The following TTBK2 variants were observed in gnomAD, a reference collection of about 807,000 sequenced individuals.
TTBK2 encodes the protein tau-tubulin kinase 2.
In TTBK2, 28 loss-of-function variants were observed where a neutral mutation model predicts 110.8. That is an observed-to-expected ratio of 0.25 (90% CI 0.19 to 0.35). TTBK2 has a LOEUF of 0.35. Among genes scored for constraint, TTBK2 ranks in the 10% least tolerant of loss-of-function variants. The probability of loss-of-function intolerance (pLI) is 1.00; values close to 1 mark genes in which losing one functional copy is unlikely to be tolerated. For synonymous variants in TTBK2, 532 were observed against 527.3 expected, an observed-to-expected ratio of 1.01 and a Z score of -0.12; for missense variants, 1,369 against 1,500.3, an observed-to-expected ratio of 0.91 and a Z score of 1.45.
intron 13 of TTBK2, among the ~76,000 whole-genome samples, chr15:42,754,287 C>T (rs1162340540): frequency 6.6e-6 from 1 of 151,966 alleles, no homozygotes; most frequent in Non-Finnish European, 1.5e-5. Flanking sequence ...TCACCTGTTG[C>T]CCAGGCTGGT....
At position 42,849,735 on chromosome 15, in the gene TTBK2, TGG is replaced by T. The variant is rs199767951; in HGVS notation, c.218-9304_218-9303del. Among the ~76,000 whole-genome samples, 385 of 152,330 alleles carry T rather than the reference TGG, an allele frequency of 2.5e-3. 6 individuals carry two copies. In the East Asian group the frequency reaches 0.033, roughly 13 times the overall value. On this transcript the variant is annotated intron_variant, in intron 3 of 14. Transcript: ENST00000267890. ...TAATGTGTTCCATAAGTACCCCACG[TGG>T]TTTCCCATTTGGGATGTGGGCAGTG... is the stretch of plus-strand genomic sequence containing the variant.
chr15:42,805,473 T>C (rs933872469), intron 9 of TTBK2, among the ~76,000 whole-genome samples: 1 of 152,166 alleles, frequency 6.6e-6, no homozygotes, highest in Non-Finnish European at 1.5e-5. Flanking sequence ...CAGAGGCACG[T>C]TCCAGGTAGG....
chr15:42,812,257 G>C (rs200163561), intron 7 of TTBK2, among the ~76,000 whole-genome samples: 2 of 150,078 alleles, frequency 1.3e-5, no homozygotes, highest in Non-Finnish European at 3.0e-5. Context: ...CATATAGCTA[G>C]GGCCCTAAAA....
chr15:42,783,307 A>T, intron 11 of TTBK2, 112 bp downstream of exon 11: 1 of 994,908 alleles, frequency 1.0e-6, no homozygotes, highest in Non-Finnish European at 1.6e-6. Flanking sequence ...AGCAAGGAGG[A>T]GCCACAAAAC....
intron 9 of TTBK2, chr15:42,801,273 T>C (rs919912646): frequency 1.3e-6 from 2 of 1,543,794 alleles, no homozygotes; most frequent in Non-Finnish European, 1.8e-6. Flanking sequence ...CAGGGCCAGC[T>C]TGACGTTCAT....
chr15:42,813,373 T>A (rs2140932918), intron 7 of TTBK2, among the ~76,000 whole-genome samples: 1 of 150,310 alleles, frequency 6.7e-6, no homozygotes, highest in Non-Finnish European at 1.5e-5. Flanking sequence ...AATACAAAAA[T>A]TAGCCAAGTG....
chr15:42,821,611 C>G (rs1892299251), intron 6 of TTBK2, among the ~76,000 whole-genome samples: 1 of 152,114 alleles, frequency 6.6e-6, no homozygotes, highest in Admixed American at 6.5e-5. Flanking sequence ...CTTGTCAGCA[C>G]TTAGCATTGT....
intron 3 of TTBK2, among the ~76,000 whole-genome samples, chr15:42,844,974 AAG>A (rs1278485824): frequency 6.6e-6 from 1 of 152,260 alleles, no homozygotes; most frequent in Non-Finnish European, 1.5e-5. Context: ...GTTCACAGCC[AAG>A]ATACGTAAAC....
intron 10 of TTBK2, among the ~76,000 whole-genome samples, chr15:42,785,913 AG>A (rs1223356128): frequency 1.3e-5 from 2 of 152,178 alleles, no homozygotes. Flanking sequence ...AGCCACTTTA[AG>A]GGTCACAGTT....
At chr15:42,841,671 T>C (rs1305067042) in intron 3 of TTBK2, among the ~76,000 whole-genome samples, 2 of 152,136 alleles carry the variant, frequency 1.3e-5, no homozygotes, top group Non-Finnish European at 2.9e-5. Flanking sequence ...GTGTCAATTC[T>C]AGCGGAGAAG....
intron 10 of TTBK2, among the ~76,000 whole-genome samples, chr15:42,787,612 G>C (rs773874261): frequency 9.9e-5 from 15 of 152,116 alleles, no homozygotes; most frequent in Admixed American, 2.6e-4. Context: ...CTTTATAGTA[G>C]AAAGAACTGG....
chr15:42,861,268 T>C (rs534617383), intron 3 of TTBK2, among the ~76,000 whole-genome samples: 1 of 152,244 alleles, frequency 6.6e-6, no homozygotes, highest in East Asian at 1.9e-4. Context: ...AATAGACATC[T>C]ACAGAATACT....
chr15:42,907,471 T>C (rs552869502), intron 1 of TTBK2, among the ~76,000 whole-genome samples: 1 of 152,330 alleles, frequency 6.6e-6, no homozygotes, highest in Non-Finnish European at 1.5e-5. Flanking sequence ...TGGTATACAC[T>C]GTGTATACAC....
chr15:42,881,233 A>AGCCTG (rs1275954343), intron 1 of TTBK2, among the ~76,000 whole-genome samples: 2 of 148,218 alleles, frequency 1.3e-5, no homozygotes, highest in African/African-American at 5.0e-5. Flanking sequence ...CAGTGAGCCA[A>AGCCTG]GATTGTGCCA....
intron 5 of TTBK2, 49 bp from the exon 6 acceptor site, chr15:42,828,081 C>T (rs775455310): frequency 7.2e-7 from 1 of 1,398,022 alleles, no homozygotes; most frequent in Admixed American, 1.8e-5. Flanking sequence ...ATACTTAGTC[C>T]TTACATTTTA....
chr15:42,853,773 C>T (rs1178880096), intron 3 of TTBK2, among the ~76,000 whole-genome samples: 4 of 152,052 alleles, frequency 2.6e-5, no homozygotes, highest in South Asian at 2.1e-4. Context: ...CCCAGCTACT[C>T]AGGAGGCTGA....
chr15:42,770,981 T>C (rs1889643286), intron 13 of TTBK2, among the ~76,000 whole-genome samples: 1 of 142,908 alleles, frequency 7.0e-6, no homozygotes, highest in Non-Finnish European at 1.5e-5. Flanking sequence ...CTTTCCTTTT[T>C]TTTTTTCTTT....
In TTBK2 at chr15:42,747,752, C is replaced by A. The variant is rs997682773; in HGVS notation, c.3273-1495G>T. ...TTACGTAGTGAGAAGGACCCTAGGG[C>A]CCCTCTAATAATAAAACTATGGTAA... On this transcript the variant is annotated intron_variant, in intron 14 of 14. Coordinates refer to ENST00000267890, the MANE Select transcript of TTBK2 (RefSeq NM_173500.4). Among the ~76,000 whole-genome samples, 6 of 152,176 alleles carry A rather than the reference C, an allele frequency of 3.9e-5. No homozygotes were observed. The East Asian group carries it at 1.2e-3, about 29-fold the overall frequency.
chr15:42,883,948 A>G (rs1346446512), intron 1 of TTBK2, among the ~76,000 whole-genome samples: 1 of 152,186 alleles, frequency 6.6e-6, no homozygotes, highest in African/African-American at 2.4e-5. Flanking sequence ...CCATGCAAAT[A>G]TTAACAAAAG....
Sources: gnomAD v4.1 joint callset for allele counts (sites outside exome capture counted in the v4.1 genomes callset) on GRCh38, gnomAD v4.1.1 for gene constraint, MANE v1.5 for transcripts, NCBI Gene and HGNC (gene_info 2026-07-23, HGNC 2026-07-21) for gene names.